Variants in EOGT observed in about 807,000 individuals in gnomAD.
EOGT encodes EGF domain specific O-linked N-acetylglucosamine transferase.
EOGT carries 55 observed loss-of-function variants against 70.5 expected under a neutral mutation model. The observed-to-expected ratio is 0.78, with a 90% CI of 0.63 to 0.98. EOGT has a LOEUF of 0.98. EOGT is among the 50% of genes least tolerant of loss of function. The probability of loss-of-function intolerance (pLI) is 0.00; values close to 1 mark genes in which losing one functional copy is unlikely to be tolerated. For missense variants in EOGT, 703 were observed against 641.9 expected, an observed-to-expected ratio of 1.10 and a Z score of -1.03; for synonymous variants, 246 against 217.1, an observed-to-expected ratio of 1.13 and a Z score of -1.17.
Position 69,009,791 on chromosome 3 carries a change from T to C in EOGT, c.56A>G (p.Gln19Arg). The C allele has an allele frequency of 1.2e-6, 2 of 1,614,150 alleles. No individual in the cohort carries two copies. The highest frequency in any genetic ancestry group is 1.3e-5 in the African/African-American group (1 of 75,038). ...GTGAGTATTAGGAGGAGCTTCATTC[T>C]GACCACTCAGTGAGACTTCATGAAG... ...VLLHEVSLSG[Q>R]NEAPPNTHSI... Residue 19 changes from glutamine to arginine, a missense_variant, in exon 4 of 18, where the codon CAG becomes CGG. By Grantham distance (43) the Gln-to-Arg change is conservative (BLOSUM62 1). Transcript: ENST00000383701.
intron 10 of EOGT, among the ~76,000 whole-genome samples, chr3:68,989,807 T>C (rs1335187027): frequency 6.7e-6 from 1 of 148,694 alleles, no homozygotes; most frequent in Non-Finnish European, 1.5e-5. Context: ...CTGGTCACAG[T>C]GGCTCATGCT....
At position 68,984,690 on chromosome 3, in the gene EOGT, T is replaced by C. The variant is rs191109112; in HGVS notation, c.1153-1818A>G. Among the ~76,000 whole-genome samples, 639 of 152,262 alleles carry C rather than the reference T, an allele frequency of 4.2e-3. 2 individuals carry two copies. Among genetic ancestry groups the C allele is most frequent in the South Asian group, 0.016 (79 of 4,826 alleles). ...CTTTGGCTTGGAGTTGGGGGCTGAA[T>C]GATCAAATTTCGCCTTTGGGTGCCA... On this transcript the variant is annotated intron_variant, in intron 14 of 17. Coordinates refer to ENST00000383701, the MANE Select transcript of EOGT (RefSeq NM_001278689.2).
At chr3:69,010,483 C>G (rs1004930999) in intron 3 of EOGT, among the ~76,000 whole-genome samples, 1 of 152,176 alleles carries the variant, frequency 6.6e-6, no homozygotes, top group East Asian at 1.9e-4. Context: ...GGATTTGAAT[C>G]GCAAATCTGC....
intron 14 of EOGT, among the ~76,000 whole-genome samples, chr3:68,983,520 G>A (rs1004268995): frequency 2.0e-5 from 3 of 152,258 alleles, no homozygotes; most frequent in Non-Finnish European, 4.4e-5. Context: ...CCACCATTCA[G>A]AAATTTCTGC....
At chr3:69,003,071 A>G (rs2091342346) in intron 8 of EOGT, among the ~76,000 whole-genome samples, 1 of 152,130 alleles carries the variant, frequency 6.6e-6, no homozygotes, top group Non-Finnish European at 1.5e-5. Context: ...ACAATTCTGC[A>G]TCCTGATTGT....
intron 8 of EOGT, among the ~76,000 whole-genome samples, chr3:69,001,922 T>C (rs752470894): frequency 6.6e-6 from 1 of 152,212 alleles, no homozygotes; most frequent in Non-Finnish European, 1.5e-5. Context: ...CCGGGTGCAG[T>C]GGCTCAAACC....
intron 14 of EOGT, among the ~76,000 whole-genome samples, chr3:68,983,769 A>T (rs1325861655): frequency 6.6e-6 from 1 of 152,118 alleles, no homozygotes. Context: ...TTCGAGACCA[A>T]CCTGACCAAC....
intron 10 of EOGT, among the ~76,000 whole-genome samples, chr3:68,991,510 T>C (rs753099630): frequency 2.0e-5 from 3 of 152,224 alleles, no homozygotes; most frequent in Non-Finnish European, 4.4e-5. Flanking sequence ...CACTGATGCA[T>C]GCATCCAACT....
chr3:68,988,315 T>A lies in EOGT; in HGVS notation c.1063A>T (p.Ile355Phe). The change falls in exon 13 of 18, where the codon ATC becomes TTC. Residue 355 changes from isoleucine to phenylalanine, a missense_variant. By Grantham distance (21) the Ile-to-Phe change is conservative. Coordinates refer to ENST00000383701, the MANE Select transcript of EOGT (RefSeq NM_001278689.2). ...ATTACCTTAGGTCCTTCTTGTGTGATGTTTAGTCTGTGTAGTACATGCTGG... is the reference window on the plus strand; with the variant it reads ...ATTACCTTAGGTCCTTCTTGTGTGAAGTTTAGTCTGTGTAGTACATGCTGG... ...FAQHVLHRLNITQEGPKDGKI... is the reference protein window; with the variant it reads ...FAQHVLHRLNFTQEGPKDGKI... 6.5e-7 allele frequency: 1 copy of A among 1,535,814 alleles called. No homozygotes were observed. Among genetic ancestry groups the A allele is most frequent in the Non-Finnish European group, 8.7e-7 (1 of 1,146,602 alleles).
At chr3:68,994,714 C>T (rs1296570828) in intron 10 of EOGT, among the ~76,000 whole-genome samples, 1 of 152,186 alleles carries the variant, frequency 6.6e-6, no homozygotes, top group East Asian at 1.9e-4. Flanking sequence ...TCGCTTGAAC[C>T]TGGGAAGCGG....
rs749610630 is a variant in EOGT, at chr3:69,009,688, G to C, written c.159C>G (p.Asn53Lys). The change falls in exon 4 of 18, where the codon AAC becomes AAG. Residue 53 changes from asparagine (N) to lysine (K), a missense_variant. Coordinates refer to ENST00000383701, the MANE Select transcript of EOGT (RefSeq NM_001278689.2). ...TACAGACAGTGGCAATATGCCTATT[G>C]TTGTGCAAAAAGAAGGGAATGTGCT... is the stretch of plus-strand genomic sequence containing the variant. ...PEEHIPFFLH[N>K]NRHIATVCRK... 3.1e-6 allele frequency: 5 copies of C among 1,614,020 alleles called. No homozygotes were observed. The highest frequency in any genetic ancestry group is 2.5e-6 in the Non-Finnish European group (3 of 1,179,996).
chr3:69,001,388 C>T (rs1344467995), intron 9 of EOGT, among the ~76,000 whole-genome samples: 4 of 152,038 alleles, frequency 2.6e-5, no homozygotes, highest in African/African-American at 4.8e-5. Flanking sequence ...TTGGTTAAGT[C>T]CTTTGATATA....
At chr3:69,007,633 T>C (rs537187705) in intron 6 of EOGT, 80 bp downstream of exon 6, 7 of 890,076 alleles carry the variant, frequency 7.9e-6, no homozygotes, top group South Asian at 3.3e-5. Context: ...GCCAGGGCAA[T>C]AGACAGAAAC....
chr3:69,011,471 C>T (rs1024073079), intron 3 of EOGT, among the ~76,000 whole-genome samples: 1 of 150,720 alleles, frequency 6.6e-6, no homozygotes, highest in African/African-American at 2.4e-5. Context: ...GCTAAGAATA[C>T]AAAAAATCAG....
chr3:68,998,167 A>G, intron 9 of EOGT, 53 bp from the exon 10 acceptor site: 1 of 991,518 alleles, frequency 1.0e-6, no homozygotes, highest in Non-Finnish European at 1.6e-6. Context: ...CACATGATCA[A>G]GCAAGTTTTA....
At chr3:68,987,906 G>A (rs6765326) in intron 13 of EOGT, 117,168 of 326,848 alleles carry the variant, frequency 0.36, 22,047 homozygotes, top group East Asian at 0.53. Flanking sequence ...GATGACTCCA[G>A]GTCAGAAAAT....
chr3:68,995,379 G>A (rs1188565914), intron 10 of EOGT, among the ~76,000 whole-genome samples: 2 of 152,152 alleles, frequency 1.3e-5, no homozygotes, highest in Admixed American at 6.5e-5. Flanking sequence ...TTGACCAAGC[G>A]TCCGGGTTTA....
At chr3:68,989,049 C>A in intron 10 of EOGT, 32 bp from the exon 11 acceptor site, 2 of 1,283,248 alleles carry the variant, frequency 1.6e-6, no homozygotes, top group Non-Finnish European at 2.1e-6. Context: ...GGTTTTAGGG[C>A]AATAAAAGGA....
chr3:68,998,145 A>C, intron 9 of EOGT, 31 bp from the exon 10 acceptor site: 1 of 1,177,234 alleles, frequency 8.5e-7, no homozygotes, highest in Non-Finnish European at 1.3e-6. Context: ...TACATTAATT[A>C]ACACCAAAGA....
Sources: gnomAD v4.1 joint callset for allele counts (sites outside exome capture counted in the v4.1 genomes callset) on GRCh38, gnomAD v4.1.1 for gene constraint, MANE v1.5 for transcripts, NCBI Gene and HGNC (gene_info 2026-07-23, HGNC 2026-07-21) for gene names.